DIS3L: variants seen among roughly 807,000 people sequenced by gnomAD.
DIS3L encodes DIS3-like exonuclease 1.
In DIS3L, 100 loss-of-function variants were observed where a neutral mutation model predicts 120.3. That is an observed-to-expected ratio of 0.83 (90% confidence interval 0.71 to 0.98). The LOEUF is 0.98. DIS3L is among the 50% of genes least tolerant of loss of function. The pLI is 0.00. For missense variants in DIS3L, 1,196 were observed against 1,314.2 expected, an observed-to-expected ratio of 0.91 and a Z score of 1.39; for synonymous variants, 426 against 470.6, an observed-to-expected ratio of 0.91 and a Z score of 1.23.
At chr15:66,304,935 G>T in intron 2 of DIS3L, among the ~76,000 whole-genome samples, 1 of 147,686 alleles carries the variant, frequency 6.8e-6, no homozygotes, top group African/African-American at 2.5e-5. Flanking sequence ...TTTATAAGTT[G>T]CTATTTATGA....
At chr15:66,304,079 G>A (rs1477025965) in intron 2 of DIS3L, among the ~76,000 whole-genome samples, 1 of 92,074 alleles carries the variant, frequency 1.1e-5, no homozygotes, top group Non-Finnish European at 2.0e-5. Context: ...AACAGAGTGA[G>A]ACTCTGTTTC....
intron 3 of DIS3L, 36 bp downstream of exon 3, chr15:66,306,988 GTCT>G (rs2092708985): frequency 1.9e-6 from 3 of 1,608,066 alleles, no homozygotes; most frequent in Non-Finnish European, 2.6e-6. Flanking sequence ...TCACACTGTC[GTCT>G]TCTTTCATTT....
At chr15:66,294,204 A>G in intron 1 of DIS3L, 2 of 985,560 alleles carry the variant, frequency 2.0e-6, no homozygotes, top group Middle Eastern at 5.2e-4. Context: ...CTGTTGCCCC[A>G]GACTTTTCCC....
At chr15:66,313,995 G>A in intron 5 of DIS3L, 44 bp from the exon 6 acceptor site, 1 of 1,505,584 alleles carries the variant, frequency 6.6e-7, no homozygotes, top group African/African-American at 1.4e-5. Flanking sequence ...AAACCAGGCG[G>A]AAAAGAACAT....
At position 66,295,106 on chromosome 15, in the gene DIS3L, A is replaced by C. The variant is rs1358210584; in HGVS notation, c.258A>C (p.Thr86=). The C allele has an allele frequency of 6.2e-7, 1 of 1,614,138 alleles. No homozygotes were observed. Residue 86 remains threonine (T), a synonymous_variant, in exon 2 of 17, where the codon ACA becomes ACC. Coordinates refer to ENST00000319212, the MANE Select transcript of DIS3L (RefSeq NM_001143688.3). ...TGAAGGGAATTATTTTCATGCAGAC[A>C]GCTTGTCAAGCTGTGCAGCATCAAA... ...PELKGIIFMQ[T]ACQAVQHQRG...
In DIS3L at chr15:66,332,881, G is replaced by C. The variant is rs1229891081; in HGVS notation, c.2827G>C (p.Val943Leu). Residue 943 changes from valine to leucine, a missense_variant, in exon 16 of 17, where the codon GTT becomes CTT. Coordinates refer to ENST00000319212, the MANE Select transcript of DIS3L (RefSeq NM_001143688.3). ...CTCTACTACAACAGATGGGGAATCT[G>C]TTACGTTCCATTTGTTTGACCATGT... ...ITSTTTDGESVTFHLFDHVTV... is the reference protein window; with the variant it reads ...ITSTTTDGESLTFHLFDHVTV... 1 of 1,612,592 alleles carries C rather than the reference G, an allele frequency of 6.2e-7. No homozygotes were observed. The highest frequency in any genetic ancestry group is 8.5e-7 in the Non-Finnish European group (1 of 1,179,406).
At chr15:66,308,875 C>A (rs1232018466) in intron 4 of DIS3L, 31 bp downstream of exon 4, 1 of 1,592,856 alleles carries the variant, frequency 6.3e-7, no homozygotes, top group East Asian at 2.2e-5. Flanking sequence ...TGTATGAGTG[C>A]TCATTTTCTA....
At chr15:66,332,970 G>C in intron 16 of DIS3L, 34 bp from the exon 17 acceptor site, 1 of 1,590,160 alleles carries the variant, frequency 6.3e-7, no homozygotes, top group East Asian at 2.2e-5. Flanking sequence ...TAAATAATGT[G>C]ATTTAGTAAT....
intron 10 of DIS3L, 28 bp from the exon 11 acceptor site, chr15:66,323,465 C>A: frequency 6.2e-7 from 1 of 1,611,456 alleles, no homozygotes; most frequent in South Asian, 1.1e-5. Flanking sequence ...TGCTAAAGGT[C>A]GCGTTGCCGC....
At chr15:66,323,050 C>T in intron 10 of DIS3L, 116 bp downstream of exon 10, 1 of 1,347,690 alleles carries the variant, frequency 7.4e-7, no homozygotes. Flanking sequence ...AGGTCCCTTC[C>T]AGAAAAAAAA....
chr15:66,311,622 G>A (rs2140356104), intron 4 of DIS3L, 102 bp from the exon 5 acceptor site: 1 of 1,405,254 alleles, frequency 7.1e-7, no homozygotes, highest in South Asian at 1.2e-5. Context: ...ACCCCCTCAA[G>A]ATGGCAGGCC....
intron 7 of DIS3L, among the ~76,000 whole-genome samples, chr15:66,315,478 C>G (rs2092808217): frequency 6.6e-6 from 1 of 152,030 alleles, no homozygotes; most frequent in Non-Finnish European, 1.5e-5. Context: ...GATGAAAACA[C>G]TTAAGATCTA....
At chr15:66,321,405 G>C (rs1022270555) in intron 9 of DIS3L, among the ~76,000 whole-genome samples, 1 of 151,986 alleles carries the variant, frequency 6.6e-6, no homozygotes, top group African/African-American at 2.4e-5. Flanking sequence ...GTATATTGAC[G>C]TACCCTAGTT....
chr15:66,302,931 A>C (rs1478814717), intron 2 of DIS3L, among the ~76,000 whole-genome samples: 1 of 152,142 alleles, frequency 6.6e-6, no homozygotes, highest in Admixed American at 6.5e-5. Context: ...TGTCTCCAGG[A>C]CTTTTCATCT....
chr15:66,325,673 A>C (rs1482733999), intron 11 of DIS3L, among the ~76,000 whole-genome samples, 158 bp from the exon 12 acceptor site: 1 of 152,126 alleles, frequency 6.6e-6, no homozygotes, highest in Non-Finnish European at 1.5e-5. Flanking sequence ...GGGCAGGAGA[A>C]TTGCTCAAGT....
chr15:66,320,628 G>A lies in DIS3L; in HGVS notation c.1222G>A (p.Gly408Arg). 8.1e-6 allele frequency: 13 copies of A among 1,613,980 alleles called. No individual in the cohort carries two copies. The highest frequency in any genetic ancestry group is 1.0e-5 in the Non-Finnish European group (12 of 1,179,948). ...SWESTSVYPN[G>R]HFVRVLGRIG... Reference sequence around the variant, plus strand: ...GGAGTCAACATCTGTGTATCCAAATGGACATTTTGTGCGTGTTTTAGGAAG... The same window carrying A: ...GGAGTCAACATCTGTGTATCCAAATAGACATTTTGTGCGTGTTTTAGGAAG... Residue 408 changes from glycine to arginine, a missense_variant, in exon 9 of 17, where the codon GGA becomes AGA. Transcript: ENST00000319212.
intron 14 of DIS3L, chr15:66,329,990 C>G (rs112172714): frequency 4.1e-6 from 4 of 984,914 alleles, no homozygotes; most frequent in Admixed American, 6.2e-5. Flanking sequence ...TGATTCTAGA[C>G]ACTGCTAACA....
At chr15:66,309,094 A>AAAAATATATATATATATATATATAT in intron 4 of DIS3L, among the ~76,000 whole-genome samples, 1 of 15,316 alleles carries the variant, frequency 6.5e-5, no homozygotes, top group Non-Finnish European at 1.2e-4. Context: ...AAAAAAAAAA[A>AAAAATATATATATATATATATATAT]ATATATATAT....
intron 14 of DIS3L, chr15:66,330,452 A>G: frequency 1.0e-6 from 1 of 985,454 alleles, no homozygotes; most frequent in African/African-American, 1.7e-5. Context: ...GCATAGAACT[A>G]GACTATTGGG....
Sources: gnomAD v4.1 joint callset for allele counts (sites outside exome capture counted in the v4.1 genomes callset) on GRCh38, gnomAD v4.1.1 for gene constraint, MANE v1.5 for transcripts, NCBI Gene and HGNC (gene_info 2026-07-23, HGNC 2026-07-21) for gene names.